Variants in CDC14A observed in about 807,000 individuals in gnomAD.
The protein encoded by CDC14A is cell division cycle 14A, also known as dual specificity protein phosphatase CDC14A.
Under a neutral mutation model 74.4 loss-of-function variants are expected in CDC14A, and 53 were observed. The ratio of observed to expected loss-of-function variants is 0.71; its 90% CI spans 0.57 to 0.89. CDC14A has a LOEUF of 0.89. Among genes scored for constraint, CDC14A ranks in the 40% least tolerant of loss-of-function variants. The pLI is 0.00. For missense variants in CDC14A, 646 were observed against 713.7 expected (o/e 0.91, Z 1.08); for synonymous variants, 247 against 258.4 (o/e 0.96, Z 0.43).
At chr1:100,420,057 C>CTATATAT (rs1553180503) in intron 4 of CDC14A, among the ~76,000 whole-genome samples, 1 of 30,578 alleles carries the variant, frequency 3.3e-5, no homozygotes, top group African/African-American at 1.4e-4. Flanking sequence ...CACACACACA[C>CTATATAT]ACACACATAT....
rs767960816 is a variant in CDC14A, at chr1:100,518,247, A to C, written c.1756-4A>C. 1.9e-6 allele frequency: 3 copies of C among 1,610,832 alleles called. No homozygotes were observed. ...AACCTCAGTTTATGTCTCTCCCTGCACAGTCCCTTCAGTCTGAATATGTTC... is the reference window on the plus strand; with the variant it reads ...AACCTCAGTTTATGTCTCTCCCTGCCCAGTCCCTTCAGTCTGAATATGTTC... On this transcript the variant is annotated splice_polypyrimidine_tract_variant and splice_region_variant and intron_variant, in intron 15 of 15. Transcript: ENST00000336454.
chr1:100,362,118 GA>G (rs1023736956), intron 2 of CDC14A, among the ~76,000 whole-genome samples: 1 of 152,116 alleles, frequency 6.6e-6, no homozygotes, highest in Admixed American at 6.5e-5. Flanking sequence ...TTGGAGATAG[GA>G]AGTAAAAAGG....
intron 11 of CDC14A, chr1:100,485,232 T>A: frequency 2.0e-6 from 2 of 985,374 alleles, no homozygotes; most frequent in Non-Finnish European, 2.4e-6. Context: ...AAATTTGTGA[T>A]TTGTGTAAAG....
intron 15 of CDC14A, among the ~76,000 whole-genome samples, chr1:100,509,711 C>A (rs1415072903): frequency 6.6e-6 from 1 of 152,220 alleles, no homozygotes; most frequent in Non-Finnish European, 1.5e-5. Context: ...GTAACAGAAA[C>A]CTTTGGTAAA....
At chr1:100,418,418 AG>A (rs1444562935) in intron 4 of CDC14A, among the ~76,000 whole-genome samples, 3 of 152,138 alleles carry the variant, frequency 2.0e-5, no homozygotes, top group Non-Finnish European at 2.9e-5. Context: ...CAGAGATATC[AG>A]GTATGTTTAG....
chr1:100,360,692 A>G (rs1042403954), intron 2 of CDC14A, among the ~76,000 whole-genome samples: 19 of 152,182 alleles, frequency 1.2e-4, no homozygotes, highest in African/African-American at 4.3e-4. Flanking sequence ...TACCTTCTAG[A>G]TAATGATTTA....
chr1:100,459,114 CACACACACACACAGAG>C (rs1221709551), intron 8 of CDC14A, among the ~76,000 whole-genome samples: 1 of 147,974 alleles, frequency 6.8e-6, no homozygotes, highest in Non-Finnish European at 1.5e-5. Flanking sequence ...CACACACACA[CACACACACACACAGAG>C]AGAGAGAGAG....
intron 10 of CDC14A, among the ~76,000 whole-genome samples, chr1:100,479,939 T>A (rs1345302821): frequency 6.6e-6 from 1 of 152,234 alleles, no homozygotes; most frequent in Non-Finnish European, 1.5e-5. Flanking sequence ...TCATGCCAGT[T>A]ATTACTCTAG....
chr1:100,404,601 C>T (rs1396150338), intron 4 of CDC14A, among the ~76,000 whole-genome samples: 4 of 152,062 alleles, frequency 2.6e-5, no homozygotes, highest in South Asian at 2.1e-4. Flanking sequence ...GAGGCTGAGG[C>T]GGGTGGATCA....
At chr1:100,454,730 A>G (rs1371351203) in intron 7 of CDC14A, among the ~76,000 whole-genome samples, 1 of 152,216 alleles carries the variant, frequency 6.6e-6, no homozygotes, top group African/African-American at 2.4e-5. Context: ...TCACATGAAA[A>G]TTCAGTTGGA....
intron 6 of CDC14A, 37 bp from the exon 7 acceptor site, chr1:100,442,897 T>C: frequency 7.3e-7 from 1 of 1,365,502 alleles, no homozygotes; most frequent in South Asian, 1.2e-5. Flanking sequence ...AGTTTATCAA[T>C]TTAGCATGGA....
At chr1:100,420,307 G>C (rs1277245136) in intron 4 of CDC14A, among the ~76,000 whole-genome samples, 1 of 151,182 alleles carries the variant, frequency 6.6e-6, no homozygotes, top group Non-Finnish European at 1.5e-5. Flanking sequence ...GTATCAGAGA[G>C]GTTGAATTAT....
chr1:100,432,113 TGTTAGGTACAG>T (rs1203463270), intron 5 of CDC14A, among the ~76,000 whole-genome samples: 5 of 152,218 alleles, frequency 3.3e-5, no homozygotes, highest in Non-Finnish European at 7.3e-5. Context: ...TTGTTGTTGT[TGTTAGGTACAG>T]GTCACGTTCA....
At chr1:100,425,486 G>A (rs1044927410) in intron 5 of CDC14A, among the ~76,000 whole-genome samples, 6 of 152,126 alleles carry the variant, frequency 3.9e-5, no homozygotes, top group Non-Finnish European at 5.9e-5. Flanking sequence ...AATACATTAA[G>A]ACTAAATCCC....
At chr1:100,379,567 G>C (rs1458556322) in intron 3 of CDC14A, among the ~76,000 whole-genome samples, 2 of 152,194 alleles carry the variant, frequency 1.3e-5, no homozygotes, top group African/African-American at 4.8e-5. Context: ...CAGTTTTGTG[G>C]AATCTTAGTT....
At chr1:100,502,476 A>G (rs948384730) in intron 15 of CDC14A, among the ~76,000 whole-genome samples, 5 of 152,222 alleles carry the variant, frequency 3.3e-5, no homozygotes, top group African/African-American at 1.2e-4. Context: ...TCAGGTGTGT[A>G]GCAGGCTCTA....
At chr1:100,405,917 C>T (rs112365505) in intron 4 of CDC14A, among the ~76,000 whole-genome samples, 13 of 152,190 alleles carry the variant, frequency 8.5e-5, no homozygotes, top group African/African-American at 2.9e-4. Context: ...CTGGGTCAAA[C>T]GGTATTTCTG....
At chr1:100,494,465 A>C (rs1647473005) in intron 11 of CDC14A, among the ~76,000 whole-genome samples, 1 of 152,228 alleles carries the variant, frequency 6.6e-6, no homozygotes, top group Non-Finnish European at 1.5e-5. Context: ...ATCTAAAAAC[A>C]TATTTGTACT....
At chr1:100,390,967 A>G in intron 4 of CDC14A, 143 bp downstream of exon 4, 1 of 702,066 alleles carries the variant, frequency 1.4e-6, no homozygotes, top group Admixed American at 2.0e-5. Flanking sequence ...GTAGTGAGAA[A>G]TATGGACTAG....
Sources: gnomAD v4.1 joint callset for allele counts (sites outside exome capture counted in the v4.1 genomes callset) on GRCh38, gnomAD v4.1.1 for gene constraint, MANE v1.5 for transcripts, NCBI Gene and HGNC (gene_info 2026-07-23, HGNC 2026-07-21) for gene names.